The following ASCC3 variants were observed in gnomAD, a reference collection of about 807,000 sequenced individuals.
ASCC3 encodes ASC-1 complex subunit P200.
In ASCC3, 158 loss-of-function variants were observed where a neutral mutation model predicts 256.3. The observed-to-expected ratio is 0.62, with a 90% CI of 0.54 to 0.70. ASCC3 has a LOEUF of 0.70. Among genes scored for constraint, ASCC3 ranks in the 30% least tolerant of loss-of-function variants. The probability of loss-of-function intolerance (pLI) is 0.00; values close to 1 mark genes in which losing one functional copy is unlikely to be tolerated. For missense variants in ASCC3, 2,259 were observed against 2,626.0 expected (o/e 0.86, Z 3.05); for synonymous variants, 948 against 883.4 (o/e 1.07, Z -1.30).
intron 37 of ASCC3, among the ~76,000 whole-genome samples, chr6:100,532,647 G>A (rs990547711): frequency 6.6e-6 from 1 of 151,352 alleles, no homozygotes; most frequent in African/African-American, 2.4e-5. Context: ...TATTAACAAA[G>A]GAATGTATTT....
intron 30 of ASCC3, 102 bp downstream of exon 30, chr6:100,625,090 G>T: frequency 7.2e-7 from 1 of 1,391,432 alleles, no homozygotes; most frequent in Admixed American, 1.8e-5. Flanking sequence ...GCGGTATTAT[G>T]AATTTCTTCT....
At chr6:100,691,708 T>C (rs1777858924) in intron 13 of ASCC3, among the ~76,000 whole-genome samples, 1 of 151,918 alleles carries the variant, frequency 6.6e-6, no homozygotes, top group African/African-American at 2.4e-5. Context: ...TATAAATCAA[T>C]TGTTTTTGTT....
intron 4 of ASCC3, among the ~76,000 whole-genome samples, chr6:100,821,880 G>T (rs1771065072): frequency 6.6e-6 from 1 of 151,960 alleles, no homozygotes; most frequent in African/African-American, 2.4e-5. Context: ...AATGAACTAT[G>T]AAAACGTTTT....
chr6:100,581,084 TG>T (rs1771218821), intron 36 of ASCC3, among the ~76,000 whole-genome samples: 1 of 152,232 alleles, frequency 6.6e-6, no homozygotes, highest in Non-Finnish European at 1.5e-5. Context: ...TATAGTCCTT[TG>T]GGTATATACC....
chr6:100,606,803 T>C lies in ASCC3; in HGVS notation c.4981A>G (p.Ile1661Val), dbSNP rs775959557. 1.9e-6 allele frequency: 3 copies of C among 1,612,044 alleles called. No individual in the cohort carries two copies. The highest frequency in any genetic ancestry group is 3.3e-5 in the Admixed American group (2 of 59,932). Reference protein sequence around the residue: ...WGVNFPAHLVIIKGTEYYDGK... With the variant: ...WGVNFPAHLVVIKGTEYYDGK... Reference sequence around the variant, plus strand: ...TCATAGTATTCTGTTCCCTTAATAATTACTAAATGAGCTGGAAAGTTTACA... The same window carrying C: ...TCATAGTATTCTGTTCCCTTAATAACTACTAAATGAGCTGGAAAGTTTACA... The change falls in exon 32 of 42, where the codon ATT (isoleucine) becomes GTT (valine). Residue 1661 changes from isoleucine (I) to valine (V), a missense_variant. Physicochemically the swap from Ile to Val is conservative, Grantham distance 29. Coordinates refer to ENST00000369162, the MANE Select transcript of ASCC3 (RefSeq NM_006828.4).
rs1775444090 is a variant in ASCC3 at position 100,647,561 on chromosome 6, C to T, written c.3253-110G>A. On this transcript the variant is annotated intron_variant, in intron 20 of 41. Coordinates refer to ENST00000369162, the MANE Select transcript of ASCC3 (RefSeq NM_006828.4). The stretch of plus-strand genomic sequence containing the variant: ...AAAAGAAGTGCAAGTCAAGCTGCAT[C>T]CTTGAATTGTGGGGCAATATCTTTT... The T allele has an allele frequency of 3.3e-6, 3 of 917,514 alleles. No homozygotes were observed. The East Asian group carries it at 7.8e-5, about 24-fold the overall frequency. 56.8% of individuals were successfully genotyped at this position (917,514 alleles called of 1,614,324 possible). A position where few individuals can be genotyped will look rare whatever the true frequency, so the allele number is the denominator to read the frequency against.
chr6:100,821,866 CATGA>C (rs984201163), intron 4 of ASCC3, among the ~76,000 whole-genome samples: 5 of 151,920 alleles, frequency 3.3e-5, no homozygotes, highest in Admixed American at 6.6e-5. Context: ...TAATAAACAA[CATGA>C]ATGAACTATG....
At chr6:100,516,955 C>T (rs759569625) in intron 38 of ASCC3, among the ~76,000 whole-genome samples, 11 of 151,956 alleles carry the variant, frequency 7.2e-5, no homozygotes, top group Non-Finnish European at 1.5e-4. Context: ...CCCTAATGTG[C>T]GTTCTTTACT....
At chr6:100,636,761 G>T (rs544996031) in intron 25 of ASCC3, among the ~76,000 whole-genome samples, 19 of 152,312 alleles carry the variant, frequency 1.2e-4, no homozygotes, top group African/African-American at 4.6e-4. Context: ...TACGGAGAAA[G>T]TCCGAGTGGT....
At chr6:100,694,982 G>C (rs1778016804) in intron 13 of ASCC3, among the ~76,000 whole-genome samples, 1 of 152,124 alleles carries the variant, frequency 6.6e-6, no homozygotes, top group South Asian at 2.1e-4. Flanking sequence ...GAGAAACTTA[G>C]AGGAAACAAC....
At chr6:100,624,320 A>T (rs1774123640) in intron 30 of ASCC3, among the ~76,000 whole-genome samples, 1 of 151,706 alleles carries the variant, frequency 6.6e-6, no homozygotes, top group Non-Finnish European at 1.5e-5. Flanking sequence ...GCTGTCCTGG[A>T]ATAGATGAAA....
At chr6:100,578,537 T>G (rs2114740068) in intron 36 of ASCC3, among the ~76,000 whole-genome samples, 1 of 152,218 alleles carries the variant, frequency 6.6e-6, no homozygotes, top group African/African-American at 2.4e-5. Flanking sequence ...TCTATCCCTG[T>G]GTTTCACGTA....
At chr6:100,583,441 T>C (rs1427167484) in intron 36 of ASCC3, among the ~76,000 whole-genome samples, 1 of 152,222 alleles carries the variant, frequency 6.6e-6, no homozygotes, top group African/African-American at 2.4e-5. Flanking sequence ...ATATCCCCTT[T>C]ATCATTTTTT....
intron 37 of ASCC3, among the ~76,000 whole-genome samples, chr6:100,537,426 G>A (rs973476242): frequency 2.5e-4 from 38 of 152,046 alleles, no homozygotes; most frequent in African/African-American, 9.2e-4. Flanking sequence ...ATGAAACGTG[G>A]GATCTTGAAT....
chr6:100,700,592 G>C (rs1435286089), intron 13 of ASCC3, among the ~76,000 whole-genome samples: 2 of 152,232 alleles, frequency 1.3e-5, no homozygotes, highest in Non-Finnish European at 2.9e-5. Context: ...GAAGGAGGCT[G>C]TACCCTGCAA....
intron 40 of ASCC3, among the ~76,000 whole-genome samples, chr6:100,512,228 T>C (rs966333999): frequency 2.0e-5 from 3 of 152,142 alleles, no homozygotes; most frequent in African/African-American, 4.8e-5. Context: ...TAGAGCTAAG[T>C]GGTAAAGCTT....
intron 30 of ASCC3, among the ~76,000 whole-genome samples, chr6:100,614,275 C>T (rs1388656244): frequency 1.3e-5 from 2 of 151,896 alleles, no homozygotes; most frequent in Admixed American, 6.6e-5. Flanking sequence ...TTGTTAAATG[C>T]GTAATTATGA....
intron 13 of ASCC3, among the ~76,000 whole-genome samples, chr6:100,712,137 A>C (rs935062596): frequency 6.6e-6 from 1 of 152,224 alleles, no homozygotes; most frequent in Non-Finnish European, 1.5e-5. Context: ...TCAAAGAAGT[A>C]AATGGAAAAC....
At chr6:100,834,479 T>C (rs73760724) in intron 4 of ASCC3, among the ~76,000 whole-genome samples, 274 of 152,200 alleles carry the variant, frequency 1.8e-3, no homozygotes, top group African/African-American at 6.5e-3. Context: ...TGTCTTATTA[T>C]AAGGAACACA....
Sources: allele counts gnomAD v4.1 joint callset (sites outside exome capture counted in the v4.1 genomes callset), GRCh38; gene constraint gnomAD v4.1.1; transcripts MANE v1.5; gene names NCBI Gene and HGNC (gene_info 2026-07-23, HGNC 2026-07-21).